Variants in ATP5PF observed in about 807,000 individuals in gnomAD.
ATP5PF encodes the protein ATP synthase peripheral stalk subunit F6, mitochondrial.
A neutral mutation model predicts 12.0 loss-of-function variants in ATP5PF; 7 were observed. The observed-to-expected ratio is 0.58, with a 90% CI of 0.33 to 1.10. The LOEUF is 1.10. Among genes scored for constraint, ATP5PF ranks in the 50% least tolerant of loss-of-function variants. The pLI, the probability that ATP5PF is intolerant of heterozygous loss-of-function variation, is 0.03. For synonymous variants in ATP5PF, 41 were observed against 45.4 expected (o/e 0.90, Z 0.39); for missense variants, 120 against 127.7 (o/e 0.94, Z 0.29).
chr21:25,729,692 C>G lies in ATP5PF; in HGVS notation c.103G>C (p.Glu35Gln). The G allele has an allele frequency of 1.2e-6, 2 of 1,612,188 alleles. No homozygotes were observed. The highest frequency in any genetic ancestry group is 1.7e-6 in the Non-Finnish European group (2 of 1,179,194). ...AAGAGTTTCTGTATAGGATCAAGTT[C>G]CTTATTAAATGCCACTGCTGTAACA... Reference protein sequence around the residue: ...IGVTAVAFNKELDPIQKLFVD... With the variant: ...IGVTAVAFNKQLDPIQKLFVD... The change falls in exon 2 of 4, where the codon GAA becomes CAA. Residue 35 changes from glutamate to glutamine, a missense_variant. Transcript: ENST00000284971.
intron 2 of ATP5PF, 87 bp from the exon 3 acceptor site, chr21:25,725,437 TC>T: frequency 1.6e-6 from 2 of 1,279,154 alleles, no homozygotes; most frequent in Middle Eastern, 2.8e-4. Flanking sequence ...TTCCAACAGA[TC>T]TTTTTTTTTT....
intron 1 of ATP5PF, among the ~76,000 whole-genome samples, chr21:25,732,221 TACAAA>T (rs1466244231): frequency 6.6e-6 from 1 of 152,108 alleles, no homozygotes; most frequent in Non-Finnish European, 1.5e-5. Flanking sequence ...TTATAATGAG[TACAAA>T]GCCAGGAATG....
upstream of ATP5PF, chr21:25,735,161 C>G (rs1338916594): frequency 1.7e-5 from 11 of 636,736 alleles, no homozygotes; most frequent in Non-Finnish European, 3.1e-5. Flanking sequence ...AAACCTTGCT[C>G]TGTACGCATG....
intron 1 of ATP5PF, among the ~76,000 whole-genome samples, chr21:25,731,073 C>A (rs1168432145): frequency 6.6e-6 from 1 of 151,980 alleles, no homozygotes; most frequent in Non-Finnish European, 1.5e-5. Flanking sequence ...GAAACCCTGT[C>A]TCCACTAAAC....
chr21:25,735,032 T>C (rs2025315901), upstream of ATP5PF: 5 of 1,477,190 alleles, frequency 3.4e-6, no homozygotes, highest in African/African-American at 5.6e-5. Context: ...CGGACGGGTC[T>C]AGGTGAGACA....
At chr21:25,730,736 C>CAAAAGA (rs2034744791) in intron 1 of ATP5PF, among the ~76,000 whole-genome samples, 1 of 31,880 alleles carries the variant, frequency 3.1e-5, no homozygotes, top group African/African-American at 8.8e-5. Flanking sequence ...CTCCGTCTCA[C>CAAAAGA]AAAAAAAAAA....
chr21:25,734,018 A>G (rs1461752427), intron 1 of ATP5PF, among the ~76,000 whole-genome samples: 4 of 152,216 alleles, frequency 2.6e-5, no homozygotes, highest in African/African-American at 9.6e-5. Flanking sequence ...TATAAGTCCT[A>G]CGAACTCATC....
intron 2 of ATP5PF, among the ~76,000 whole-genome samples, chr21:25,727,143 T>G (rs946116146): frequency 2.0e-5 from 3 of 152,196 alleles, no homozygotes; most frequent in South Asian, 4.1e-4. Context: ...TAATTAGAAT[T>G]TGAATAGTCT....
chr21:25,735,041 C>T, upstream of ATP5PF: 2 of 1,408,360 alleles, frequency 1.4e-6, no homozygotes, highest in Non-Finnish European at 1.9e-6. Context: ...CTAGGTGAGA[C>T]AGAAGCCAAA....
chr21:25,734,271 C>G, intron 1 of ATP5PF: 1 of 954,414 alleles, frequency 1.0e-6, no homozygotes, highest in Non-Finnish European at 1.2e-6. Flanking sequence ...TAAGAAAACA[C>G]TAGTCTGAGC....
chr21:25,733,954 T>C (rs1215987313), intron 1 of ATP5PF, among the ~76,000 whole-genome samples: 1 of 152,222 alleles, frequency 6.6e-6, no homozygotes, highest in Non-Finnish European at 1.5e-5. Context: ...CTAATTTTAG[T>C]ATTCATCCTG....
At chr21:25,733,760 T>TA (rs1299941751) in intron 1 of ATP5PF, among the ~76,000 whole-genome samples, 3 of 152,216 alleles carry the variant, frequency 2.0e-5, no homozygotes, top group African/African-American at 4.8e-5. Context: ...GTTAAAGTGT[T>TA]CTTATCCCTG....
rs2034965299 is a variant in ATP5PF, at chr21:25,734,899, C to G, written c.-54G>C. 3.2e-6 allele frequency: 5 copies of G among 1,560,518 alleles called. No homozygotes were observed. Among genetic ancestry groups the G allele is most frequent in the Non-Finnish European group, 4.3e-6 (5 of 1,155,850 alleles). On this transcript the variant is annotated 5_prime_UTR_variant, in exon 1 of 4. Coordinates refer to ENST00000284971, the MANE Select transcript of ATP5PF (RefSeq NM_001003703.2). ...CCAAAGCCTCCGCCGCCACCACCTC[C>G]GCTCTACTTCCGGCCCTGGCTCCGC...
At chr21:25,726,814 C>T (rs149468514) in intron 2 of ATP5PF, among the ~76,000 whole-genome samples, 2 of 152,320 alleles carry the variant, frequency 1.3e-5, no homozygotes, top group Non-Finnish European at 2.9e-5. Context: ...AAAATGTACA[C>T]ATGAAAATTC....
At chr21:25,728,218 ATCC>A (rs2034667124) in intron 2 of ATP5PF, among the ~76,000 whole-genome samples, 2 of 152,290 alleles carry the variant, frequency 1.3e-5, no homozygotes, top group African/African-American at 4.8e-5. Context: ...GGTTAAAATT[ATCC>A]TCCTAATTCA....
chr21:25,729,926 C>G (rs1165611460), intron 1 of ATP5PF, 125 bp from the exon 2 acceptor site: 1 of 1,107,172 alleles, frequency 9.0e-7, no homozygotes, highest in East Asian at 2.6e-5. Flanking sequence ...CAGTCTATAC[C>G]TGACCACAGT....
intron 1 of ATP5PF, chr21:25,734,432 G>C (rs1174519729): frequency 3.1e-6 from 3 of 952,624 alleles, no homozygotes; most frequent in Non-Finnish European, 3.8e-6. Context: ...TTTTTAGGTG[G>C]GATGCAAACT....
intron 3 of ATP5PF, 166 bp downstream of exon 3, chr21:25,725,058 GCT>G: frequency 1.2e-6 from 1 of 858,314 alleles, no homozygotes; most frequent in African/African-American, 1.7e-5. Flanking sequence ...CTCCTATACT[GCT>G]CTTATTCTAA....
chr21:25,732,737 C>T (rs1030626088), intron 1 of ATP5PF, among the ~76,000 whole-genome samples: 4 of 151,692 alleles, frequency 2.6e-5, no homozygotes, highest in African/African-American at 7.3e-5. Flanking sequence ...GTAATCCCAG[C>T]ACTTTGGGAG....
Sources: gnomAD v4.1 joint callset for allele counts (sites outside exome capture counted in the v4.1 genomes callset) on GRCh38, gnomAD v4.1.1 for gene constraint, MANE v1.5 for transcripts, NCBI Gene and HGNC (gene_info 2026-07-23, HGNC 2026-07-21) for gene names.